ATXN1: variants seen among roughly 807,000 people sequenced by gnomAD.
The protein encoded by ATXN1 is ataxin 1.
Under a neutral mutation model 56.4 loss-of-function variants are expected in ATXN1, and 8 were observed. The ratio of observed to expected loss-of-function variants is 0.14; its 90% confidence interval spans 0.08 to 0.26. ATXN1 has a LOEUF of 0.26. Ranked by LOEUF, ATXN1 falls within the 10% of genes least tolerant of loss-of-function variation. The probability of loss-of-function intolerance (pLI) is 1.00; values close to 1 mark genes in which losing one functional copy is unlikely to be tolerated. For missense variants in ATXN1, 987 were observed against 1,106.5 expected, an observed-to-expected ratio of 0.89 and a Z score of 1.53; for synonymous variants, 514 against 494.6, an observed-to-expected ratio of 1.04 and a Z score of -0.52.
At position 16,369,367 on chromosome 6, in the gene ATXN1, G is replaced by A. The variant is rs1761992388; in HGVS notation, c.-160-40897C>T. ...CCTTCGTACCTCCACCCACATGGAT[G>A]AATAAACCTGATCTCCAACAGAGGT... On this transcript the variant is annotated intron_variant, in intron 6 of 7. Coordinates refer to ENST00000436367, the MANE Select transcript of ATXN1 (RefSeq NM_001128164.2). 2.6e-5 allele frequency among the ~76,000 whole-genome samples: 4 copies of A among 152,128 alleles called. No homozygotes were observed. The South Asian group carries it at 8.3e-4, about 31-fold the overall frequency.
intron 3 of ATXN1, among the ~76,000 whole-genome samples, chr6:16,624,807 G>A (rs1763380221): frequency 6.6e-6 from 1 of 152,124 alleles, no homozygotes; most frequent in Non-Finnish European, 1.5e-5. Flanking sequence ...TTCAGAAAAT[G>A]CTACTACCAT....
intron 4 of ATXN1, among the ~76,000 whole-genome samples, chr6:16,529,063 C>A (rs1761449076): frequency 6.6e-6 from 1 of 151,820 alleles, no homozygotes; most frequent in Admixed American, 6.6e-5. Context: ...CCTGTAATCC[C>A]AGCTACTTGG....
chr6:16,347,077 G>C (rs1027542997), intron 6 of ATXN1, among the ~76,000 whole-genome samples: 1 of 152,214 alleles, frequency 6.6e-6, no homozygotes, highest in African/African-American at 2.4e-5. Flanking sequence ...GCCTTCTGGC[G>C]GGCAGGGCTC....
chr6:16,461,242 G>A (rs546970015), intron 6 of ATXN1, among the ~76,000 whole-genome samples: 1 of 152,346 alleles, frequency 6.6e-6, no homozygotes, highest in African/African-American at 2.4e-5. Flanking sequence ...ACAGAATGGG[G>A]ACTTTCACGG....
intron 6 of ATXN1, among the ~76,000 whole-genome samples, chr6:16,453,500 T>C (rs1759798049): frequency 6.6e-6 from 1 of 152,058 alleles, no homozygotes; most frequent in Admixed American, 6.6e-5. Flanking sequence ...AAAACCATAA[T>C]TGTCTAAGAA....
At chr6:16,340,217 A>T (rs1221820447) in intron 6 of ATXN1, among the ~76,000 whole-genome samples, 1 of 152,216 alleles carries the variant, frequency 6.6e-6, no homozygotes, top group South Asian at 2.1e-4. Context: ...AATGTGATTT[A>T]TGATGGGGGC....
At chr6:16,594,770 C>T (rs932415973) in intron 3 of ATXN1, among the ~76,000 whole-genome samples, 1 of 152,120 alleles carries the variant, frequency 6.6e-6, no homozygotes, top group Non-Finnish European at 1.5e-5. Flanking sequence ...CGTGAGCCAC[C>T]GTGCCCAGCC....
At chr6:16,408,963 G>A (rs1758743016) in intron 6 of ATXN1, among the ~76,000 whole-genome samples, 1 of 152,092 alleles carries the variant, frequency 6.6e-6, no homozygotes, top group South Asian at 2.1e-4. Flanking sequence ...CACACAGTAG[G>A]TGCTTCATAA....
chr6:16,633,620 G>A (rs898580849), intron 3 of ATXN1, among the ~76,000 whole-genome samples: 3 of 152,184 alleles, frequency 2.0e-5, no homozygotes, highest in Non-Finnish European at 4.4e-5. Context: ...CCTGCCTTGC[G>A]AGAGTGTGTC....
intron 3 of ATXN1, among the ~76,000 whole-genome samples, chr6:16,596,998 G>A (rs192998725): frequency 3.6e-3 from 547 of 152,340 alleles, no homozygotes; most frequent in Non-Finnish European, 6.5e-3. Context: ...CTCGCTGGCT[G>A]TGCACTCACC....
intron 4 of ATXN1, among the ~76,000 whole-genome samples, chr6:16,548,040 T>C (rs997061876): frequency 3.9e-5 from 6 of 152,092 alleles, no homozygotes; most frequent in African/African-American, 9.7e-5. Flanking sequence ...CATCGTAGAG[T>C]CTACTCACAC....
At chr6:16,535,604 C>A (rs2113710616) in intron 4 of ATXN1, among the ~76,000 whole-genome samples, 1 of 152,348 alleles carries the variant, frequency 6.6e-6, no homozygotes, top group South Asian at 2.1e-4. Context: ...AAACACGCAT[C>A]TCTTGAGCAA....
chr6:16,457,211 A>T (rs1759893897), intron 6 of ATXN1, among the ~76,000 whole-genome samples: 1 of 152,148 alleles, frequency 6.6e-6, no homozygotes, highest in Non-Finnish European at 1.5e-5. Context: ...TAAAGACGAA[A>T]GGCAAGGGTG....
At chr6:16,364,132 G>T (rs1561867964) in intron 6 of ATXN1, among the ~76,000 whole-genome samples, 1 of 152,098 alleles carries the variant, frequency 6.6e-6, no homozygotes, top group African/African-American at 2.4e-5. Context: ...ATGCCTTAAG[G>T]ACCCCCCACT....
At position 16,431,676 on chromosome 6, in the gene ATXN1, C is replaced by T. The variant is rs114038263; in HGVS notation, c.-161+54296G>A. Among the ~76,000 whole-genome samples, 170 of 152,288 alleles carry T rather than the reference C, an allele frequency of 1.1e-3. 1 individual carries two copies. Among genetic ancestry groups the T allele is most frequent in the East Asian group, 6.0e-3 (31 of 5,192 alleles). Reference sequence around the variant, plus strand: ...TTTAATTCTCACAACTACCTCATCACCCCCATTTACGGGCAAGAAACTAAG... The same window carrying T: ...TTTAATTCTCACAACTACCTCATCATCCCCATTTACGGGCAAGAAACTAAG... On this transcript the variant is annotated intron_variant, in intron 6 of 7. Coordinates refer to ENST00000436367, the MANE Select transcript of ATXN1 (RefSeq NM_001128164.2).
intron 4 of ATXN1, among the ~76,000 whole-genome samples, chr6:16,566,620 A>G (rs1052340660): frequency 9.9e-5 from 15 of 152,036 alleles, no homozygotes; most frequent in African/African-American, 1.9e-4. Flanking sequence ...TTGGGAGGCC[A>G]CGGCGGGCGG....
In ATXN1 at chr6:16,489,480, T is replaced by C. The variant is rs373815107; in HGVS notation, c.-298-3371A>G. Among the ~76,000 whole-genome samples, 11 of 152,272 alleles carry C rather than the reference T, an allele frequency of 7.2e-5. No homozygotes were observed. The East Asian group carries it at 1.5e-3, about 21-fold the overall frequency. ...TTACATCTTAAGTCATTAGTGGAATTTGAACAGTTGTCATCTCCTTTCAAG... is the reference window on the plus strand; with the variant it reads ...TTACATCTTAAGTCATTAGTGGAATCTGAACAGTTGTCATCTCCTTTCAAG... On this transcript the variant is annotated intron_variant, in intron 5 of 7. Coordinates refer to ENST00000436367, the MANE Select transcript of ATXN1 (RefSeq NM_001128164.2).
intron 3 of ATXN1, among the ~76,000 whole-genome samples, chr6:16,620,191 T>C (rs1022442541): frequency 1.3e-5 from 2 of 151,776 alleles, no homozygotes; most frequent in African/African-American, 4.8e-5. Context: ...AAAGCAGTAG[T>C]CTTCAAAGGC....
intron 6 of ATXN1, among the ~76,000 whole-genome samples, chr6:16,464,505 T>C (rs758052229): frequency 2.6e-5 from 4 of 152,168 alleles, no homozygotes; most frequent in Non-Finnish European, 5.9e-5. Context: ...ACCTTGCTAC[T>C]GCTCACTCTT....
Sources: gnomAD v4.1 joint callset for allele counts (sites outside exome capture counted in the v4.1 genomes callset) on GRCh38, gnomAD v4.1.1 for gene constraint, MANE v1.5 for transcripts, NCBI Gene and HGNC (gene_info 2026-07-23, HGNC 2026-07-21) for gene names.